The following SPECC1 variants were observed in gnomAD, a reference collection of about 807,000 sequenced individuals.
SPECC1 encodes cytospin-B.
A neutral mutation model predicts 104.1 loss-of-function variants in SPECC1; 62 were observed. The observed-to-expected ratio is 0.60, with a 90% CI of 0.49 to 0.74. The LOEUF (loss-of-function observed/expected upper bound fraction) is 0.74, where lower values mean the gene tolerates loss of function less well. Among genes scored for constraint, SPECC1 ranks in the 30% least tolerant of loss-of-function variants. The probability of loss-of-function intolerance (pLI) is 0.00; values close to 1 mark genes in which losing one functional copy is unlikely to be tolerated. For synonymous variants in SPECC1, 513 were observed against 501.6 expected, an observed-to-expected ratio of 1.02 and a Z score of -0.30; for missense variants, 1,306 against 1,310.5, an observed-to-expected ratio of 1.00 and a Z score of 0.05.
At position 20,037,400 on chromosome 17, in the gene SPECC1, G is replaced by A. The variant is rs566272835; in HGVS notation, c.-22+27976G>A. 1.3e-4 allele frequency among the ~76,000 whole-genome samples: 20 copies of A among 151,818 alleles called. No individual in the cohort carries two copies. In the South Asian group the frequency reaches 2.5e-3, roughly 19 times the overall value. Reference sequence around the variant, plus strand: ...TCCTGACCTCAGGTGATCCACCAGCGTCAGCCTCCCAAAGTGCTGAGATTA... The same window carrying A: ...TCCTGACCTCAGGTGATCCACCAGCATCAGCCTCCCAAAGTGCTGAGATTA... On this transcript the variant is annotated intron_variant, in intron 1 of 14. Transcript: ENST00000395527.
chr17:20,099,714 A>G (rs1330554231), intron 2 of SPECC1, among the ~76,000 whole-genome samples: 1 of 148,638 alleles, frequency 6.7e-6, no homozygotes, highest in Non-Finnish European at 1.5e-5. Flanking sequence ...AAAAAAAAAA[A>G]AAAAAACCCA....
Position 20,253,490 on chromosome 17 carries a change from C to G in SPECC1, c.2599-15C>G, listed in dbSNP as rs201994771. Reference sequence around the variant, plus strand: ...TTATGAGCTCACCGTGCTGGTGTCCCCCTGGTTTTTACAGAGGCATTCGAC... The same window carrying G: ...TTATGAGCTCACCGTGCTGGTGTCCGCCTGGTTTTTACAGAGGCATTCGAC... On this transcript the variant is annotated splice_polypyrimidine_tract_variant and intron_variant, in intron 9 of 14. Coordinates refer to ENST00000395527, the MANE Select transcript of SPECC1 (RefSeq NM_001243439.2). The G allele has an allele frequency of 6.2e-7, 1 of 1,613,684 alleles. No individual in the cohort carries two copies. Among genetic ancestry groups the G allele is most frequent in the South Asian group, 1.1e-5 (1 of 91,036 alleles).
intron 9 of SPECC1, among the ~76,000 whole-genome samples, chr17:20,250,883 T>TTC (rs2039598999): frequency 1.4e-5 from 1 of 71,550 alleles, no homozygotes; most frequent in Admixed American, 1.1e-4. Flanking sequence ...TGGAAGGTGG[T>TTC]TAATATTGAA....
At chr17:20,273,458 C>G (rs1419072202) in intron 12 of SPECC1, among the ~76,000 whole-genome samples, 1 of 101,844 alleles carries the variant, frequency 9.8e-6, no homozygotes, top group South Asian at 4.0e-4. Flanking sequence ...CACAGCGAGA[C>G]TCTGTCAAAA....
chr17:20,284,132 C>T (rs1008066602), intron 12 of SPECC1, among the ~76,000 whole-genome samples: 3 of 152,144 alleles, frequency 2.0e-5, no homozygotes, highest in African/African-American at 7.2e-5. Flanking sequence ...GAACTCATCT[C>T]TAGGAAACAA....
chr17:20,141,291 G>A lies in SPECC1; in HGVS notation c.283+30729G>A, dbSNP rs184973669. ...TCCTGCCTAATAACTCTCTGTTGCCGTGAGTTGAACCCAGCTCACTGGACC... is the reference window on the plus strand; with the variant it reads ...TCCTGCCTAATAACTCTCTGTTGCCATGAGTTGAACCCAGCTCACTGGACC... On this transcript the variant is annotated intron_variant, in intron 3 of 14. Coordinates refer to ENST00000395527, the MANE Select transcript of SPECC1 (RefSeq NM_001243439.2). Among the ~76,000 whole-genome samples the A allele has an allele frequency of 4.2e-3, 644 of 152,148 alleles. 3 individuals carry two copies. The highest frequency in any genetic ancestry group is 6.1e-3 in the Non-Finnish European group (418 of 67,998).
intron 3 of SPECC1, among the ~76,000 whole-genome samples, chr17:20,156,520 G>C (rs1239270434): frequency 1.3e-5 from 2 of 152,280 alleles, no homozygotes; most frequent in East Asian, 3.9e-4. Flanking sequence ...TCCGCGCCTG[G>C]CCTGCGCCTA....
chr17:20,155,959 A>G, intron 3 of SPECC1: 1 of 1,255,464 alleles, frequency 8.0e-7, no homozygotes, highest in Admixed American at 4.3e-5. Context: ...CAGGATGCAG[A>G]TGAAGGGGGC....
chr17:20,254,799 TC>T (rs1190968728), intron 10 of SPECC1, among the ~76,000 whole-genome samples: 1 of 151,832 alleles, frequency 6.6e-6, no homozygotes, highest in Non-Finnish European at 1.5e-5. Context: ...CAGCTGTACT[TC>T]CTTTAGATCT....
intron 4 of SPECC1, among the ~76,000 whole-genome samples, chr17:20,210,611 A>C (rs940567702): frequency 2.6e-5 from 4 of 152,230 alleles, no homozygotes; most frequent in African/African-American, 7.2e-5. Context: ...TTCTTGAACA[A>C]AATTGGGATT....
At position 20,314,074 on chromosome 17, in the gene SPECC1, G is replaced by A. The variant is rs1196698749; in HGVS notation, c.*9G>A. The A allele has an allele frequency of 1.2e-6, 2 of 1,612,972 alleles. No individual in the cohort carries two copies. The highest frequency in any genetic ancestry group is 1.7e-6 in the Non-Finnish European group (2 of 1,179,382). ...AGTACTTTGAGACGTAACCCTGGAG[G>A]GCCTGGGGCAGCCACCATTGCCACC... On this transcript the variant is annotated 3_prime_UTR_variant, in exon 15 of 15. Transcript: ENST00000395527.
At chr17:20,251,661 G>T (rs367961749) in intron 9 of SPECC1, among the ~76,000 whole-genome samples, 1 of 152,166 alleles carries the variant, frequency 6.6e-6, no homozygotes, top group East Asian at 1.9e-4. Context: ...GTTCATTGCA[G>T]CATTGTTCCT....
At chr17:20,041,915 G>A (rs753396062) in intron 1 of SPECC1, among the ~76,000 whole-genome samples, 4 of 152,070 alleles carry the variant, frequency 2.6e-5, no homozygotes, top group Admixed American at 1.3e-4. Flanking sequence ...GTGAGCCACC[G>A]CGCCCAGCCT....
chr17:20,040,299 C>T (rs2045273311), intron 1 of SPECC1, among the ~76,000 whole-genome samples: 1 of 152,132 alleles, frequency 6.6e-6, no homozygotes, highest in Non-Finnish European at 1.5e-5. Flanking sequence ...TCTCTGCATA[C>T]ATTTAGTAGA....
At chr17:20,161,133 C>G (rs1002577074) in intron 3 of SPECC1, among the ~76,000 whole-genome samples, 2 of 152,178 alleles carry the variant, frequency 1.3e-5, no homozygotes, top group Non-Finnish European at 2.9e-5. Context: ...ATCGCTTGAG[C>G]CCGGGAGGCG....
chr17:20,255,224 A>G (rs1462159668), intron 10 of SPECC1, among the ~76,000 whole-genome samples: 1 of 152,190 alleles, frequency 6.6e-6, no homozygotes, highest in Non-Finnish European at 1.5e-5. Flanking sequence ...AGAGTGTAAG[A>G]ACAAACAGAG....
chr17:20,120,871 T>G (rs1360009930), intron 3 of SPECC1, among the ~76,000 whole-genome samples: 1 of 152,196 alleles, frequency 6.6e-6, no homozygotes, highest in African/African-American at 2.4e-5. Flanking sequence ...AGAAATCATG[T>G]AATCTTTTGG....
intron 13 of SPECC1, among the ~76,000 whole-genome samples, chr17:20,298,132 A>G (rs1305068452): frequency 1.3e-5 from 2 of 152,134 alleles, no homozygotes; most frequent in Non-Finnish European, 2.9e-5. Flanking sequence ...CGGGTGGATC[A>G]CTTGAGTTCA....
At chr17:20,025,115 G>T (rs771961024) in intron 1 of SPECC1, among the ~76,000 whole-genome samples, 3 of 152,158 alleles carry the variant, frequency 2.0e-5, no homozygotes, top group Non-Finnish European at 2.9e-5. Context: ...CCATGACCCA[G>T]AATGAGCCAA....
Sources: allele counts gnomAD v4.1 joint callset (sites outside exome capture counted in the v4.1 genomes callset), GRCh38; gene constraint gnomAD v4.1.1; transcripts MANE v1.5; gene names NCBI Gene and HGNC (gene_info 2026-07-23, HGNC 2026-07-21).